The following SCARB2 variants were observed in gnomAD, a reference collection of about 807,000 sequenced individuals.
SCARB2 encodes scavenger receptor class B member 2, also known as lysosome membrane protein 2.
SCARB2 carries 29 observed loss-of-function variants against 58.6 expected under a neutral mutation model. That is an observed-to-expected ratio of 0.49 (90% confidence interval 0.37 to 0.67). The LOEUF is 0.67. Among genes scored for constraint, SCARB2 ranks in the 30% least tolerant of loss-of-function variants. The probability of loss-of-function intolerance (pLI) is 0.00; values close to 1 mark genes in which losing one functional copy is unlikely to be tolerated. For synonymous variants in SCARB2, 195 were observed against 210.1 expected (o/e 0.93, Z 0.62); for missense variants, 488 against 578.5 (o/e 0.84, Z 1.60).
intron 1 of SCARB2, among the ~76,000 whole-genome samples, chr4:76,212,586 T>C (rs905165319): frequency 2.0e-5 from 3 of 152,222 alleles, no homozygotes; most frequent in African/African-American, 7.2e-5. Context: ...CCAGTGATTA[T>C]TTTTCTTTTT....
At chr4:76,220,575 T>C (rs916217196) in intron 1 of SCARB2, among the ~76,000 whole-genome samples, 17 of 152,234 alleles carry the variant, frequency 1.1e-4, no homozygotes, top group African/African-American at 4.1e-4. Flanking sequence ...TGCAGTGAGC[T>C]GATTGTGCCA....
chr4:76,168,697 A>C (rs2109936596), intron 8 of SCARB2, among the ~76,000 whole-genome samples: 1 of 152,326 alleles, frequency 6.6e-6, no homozygotes, highest in East Asian at 1.9e-4. Flanking sequence ...ATGAGTATGA[A>C]TGTAGGTCCT....
At chr4:76,180,842 G>A (rs369301142) in intron 3 of SCARB2, 112 bp downstream of exon 3, 20 of 836,758 alleles carry the variant, frequency 2.4e-5, no homozygotes, top group East Asian at 1.9e-4. Flanking sequence ...TTTTATATAT[G>A]TATATTTCAA....
chr4:76,176,651 T>TAG, intron 4 of SCARB2, 123 bp from the exon 5 acceptor site: 1 of 683,788 alleles, frequency 1.5e-6, no homozygotes, highest in Non-Finnish European at 2.6e-6. Flanking sequence ...AGGTATTTTG[T>TAG]AGGTGTGATT....
rs377223483 is a variant in SCARB2, at chr4:76,195,494, A to G, written c.275+213T>C. ...CAGGAGGAAACCGCTGCACTTCAAA[A>G]CACAACACGCTGAGACTTGGCCCAG... On this transcript the variant is annotated intron_variant, in intron 2 of 11. Transcript: ENST00000264896. The G allele has an allele frequency of 6.2e-4, 356 of 577,946 alleles. 3 individuals carry two copies. Among genetic ancestry groups the G allele is most frequent in the South Asian group, 2.3e-3 (113 of 49,616 alleles). 35.8% of individuals were successfully genotyped at this position (577,946 alleles called of 1,614,324 possible).
chr4:76,195,374 TA>T, intron 2 of SCARB2: 1 of 205,366 alleles, frequency 4.9e-6, no homozygotes, highest in East Asian at 1.2e-4. Context: ...CTTAAAAAAA[TA>T]AAATAAAATA....
At chr4:76,165,893 G>C in intron 10 of SCARB2, 1 of 358,982 alleles carries the variant, frequency 2.8e-6, no homozygotes. Flanking sequence ...TCAAAGAAGG[G>C]GGAGACAAAG....
In SCARB2 at chr4:76,181,000, C is replaced by G. The variant is rs776680365; in HGVS notation, c.377G>C (p.Gly126Ala). ...TCTAATTAAGTCAATTTTAGGGTCT[C>G]CAACAGATTGGTCTCGTTCAAAAAC... ...AYVFERDQSV[G>A]DPKIDLIRTL... Residue 126 changes from glycine (G) to alanine (A), a missense_variant, in exon 3 of 12, where the codon GGA (glycine) becomes GCA (alanine). Physicochemically the swap from Gly to Ala is moderately conservative, Grantham distance 60 (BLOSUM62 0). Coordinates refer to ENST00000264896, the MANE Select transcript of SCARB2 (RefSeq NM_005506.4). The G allele has an allele frequency of 1.9e-6, 3 of 1,613,664 alleles. No individual in the cohort carries two copies. The Admixed American group carries it at 5.0e-5, about 27-fold the overall frequency.
Position 76,221,885 on chromosome 4 carries a change from A to G in SCARB2, c.-358+12418T>C, listed in dbSNP as rs796648549. Among the ~76,000 whole-genome samples the G allele has an allele frequency of 7.2e-5, 11 of 152,338 alleles. 1 individual carries two copies. The highest frequency in any genetic ancestry group is 2.4e-4 in the African/African-American group (10 of 41,570). ...CAGTTTACCTGTGTAACAAACTTGCACATGTACCACCTGAACCTAAAATAA... is the reference window on the plus strand; with the variant it reads ...CAGTTTACCTGTGTAACAAACTTGCGCATGTACCACCTGAACCTAAAATAA... On this transcript the variant is annotated intron_variant, in intron 1 of 11. Transcript: ENST00000638295.
rs572732584 is a variant in SCARB2, at chr4:76,231,585, A to C, written c.-358+2718T>G. On this transcript the variant is annotated intron_variant, in intron 1 of 11. Coordinates refer to the SCARB2 transcript ENST00000638295. ...GAGTTGTTTGCAAAATAGACTTTACATTTTTATACTTGGCCTGATTATTTG... is the reference window on the plus strand; with the variant it reads ...GAGTTGTTTGCAAAATAGACTTTACCTTTTTATACTTGGCCTGATTATTTG... Among the ~76,000 whole-genome samples, 4 of 152,364 alleles carry C rather than the reference A, an allele frequency of 2.6e-5. No homozygotes were observed. The South Asian group carries it at 8.3e-4, about 32-fold the overall frequency.
intron 2 of SCARB2, among the ~76,000 whole-genome samples, chr4:76,187,576 CCTATG>C (rs1387838051): frequency 6.6e-6 from 1 of 152,070 alleles, no homozygotes; most frequent in Non-Finnish European, 1.5e-5. Flanking sequence ...ATTGAAAAAT[CCTATG>C]CTATAACATT....
intron 1 of SCARB2, among the ~76,000 whole-genome samples, chr4:76,209,059 T>C (rs769406724): frequency 2.0e-5 from 3 of 152,216 alleles, no homozygotes; most frequent in Non-Finnish European, 4.4e-5. Context: ...CATTTGACTT[T>C]AGATAAGTCA....
intron 1 of SCARB2, among the ~76,000 whole-genome samples, chr4:76,228,065 A>G (rs887309943): frequency 1.6e-4 from 24 of 147,540 alleles, no homozygotes; most frequent in Non-Finnish European, 3.4e-4. Context: ...TTTTTTATTC[A>G]TTGTGCTAGT....
intron 1 of SCARB2, among the ~76,000 whole-genome samples, chr4:76,228,486 A>C (rs1170791504): frequency 6.6e-6 from 1 of 151,180 alleles, no homozygotes; most frequent in Admixed American, 6.6e-5. Context: ...CTTAAAAAAA[A>C]AAAAAGAAAG....
At chr4:76,201,178 C>T (rs904309390) in intron 1 of SCARB2, among the ~76,000 whole-genome samples, 1 of 152,172 alleles carries the variant, frequency 6.6e-6, no homozygotes, top group Non-Finnish European at 1.5e-5. Context: ...AGTCACTCAC[C>T]GCCCTTCACC....
intron 7 of SCARB2, among the ~76,000 whole-genome samples, chr4:76,172,538 C>A (rs758136905): frequency 1.4e-4 from 21 of 152,102 alleles, no homozygotes; most frequent in Non-Finnish European, 2.1e-4. Flanking sequence ...CAGGCATGAT[C>A]CACCATGCCT....
intron 7 of SCARB2, among the ~76,000 whole-genome samples, chr4:76,170,550 G>C (rs1009581312): frequency 6.6e-6 from 1 of 151,956 alleles, no homozygotes; most frequent in African/African-American, 2.4e-5. Context: ...TTTTTGTTTT[G>C]TTTTGTTTTG....
intron 1 of SCARB2, among the ~76,000 whole-genome samples, chr4:76,201,452 T>A (rs148154869): frequency 6.6e-6 from 1 of 152,334 alleles, no homozygotes; most frequent in African/African-American, 2.4e-5. Context: ...AAATAATTAA[T>A]GAAGAAACAG....
upstream of SCARB2, chr4:76,214,102 T>A (rs1026861468): frequency 8.7e-5 from 34 of 392,684 alleles, no homozygotes; most frequent in African/African-American, 5.9e-4. Flanking sequence ...GTTCACACAC[T>A]CATTTACTCA....
Sources: allele counts gnomAD v4.1 joint callset (sites outside exome capture counted in the v4.1 genomes callset), GRCh38; gene constraint gnomAD v4.1.1; transcripts MANE v1.5; gene names NCBI Gene and HGNC (gene_info 2026-07-23, HGNC 2026-07-21).